The following TAMM41 variants were observed in gnomAD, a reference collection of about 807,000 sequenced individuals.
The protein encoded by TAMM41 is phosphatidate cytidylyltransferase, mitochondrial.
TAMM41 carries 36 observed loss-of-function variants against 44.1 expected under a neutral mutation model. That is an observed-to-expected ratio of 0.82 (90% confidence interval 0.63 to 1.08). The LOEUF (loss-of-function observed/expected upper bound fraction) is 1.08. Among genes scored for constraint, TAMM41 ranks in the 50% least tolerant of loss-of-function variants. The pLI is 0.00. For missense variants in TAMM41, 417 were observed against 404.3 expected, an observed-to-expected ratio of 1.03 and a Z score of -0.27; for synonymous variants, 164 against 153.1, an observed-to-expected ratio of 1.07 and a Z score of -0.53.
chr3:11,732,999 TGTTTG>T, the TAMM41 span, among the ~76,000 whole-genome samples: 448 of 106,648 alleles, frequency 4.2e-3, 10 homozygotes, highest in South Asian at 0.02. Context: ...GTTTTTTTTT[TGTTTG>T]TTTGTTTGTT....
chr3:11,757,941 A>C, the TAMM41 span, among the ~76,000 whole-genome samples: 1 of 152,190 alleles, frequency 6.6e-6, no homozygotes, highest in African/African-American at 2.4e-5. Context: ...GGGACACTGA[A>C]GAAACCAAGT....
At chr3:11,761,065 G>A in the TAMM41 span, among the ~76,000 whole-genome samples, 2 of 151,808 alleles carry the variant, frequency 1.3e-5, no homozygotes, top group Admixed American at 1.3e-4. Context: ...CTACTCAGGA[G>A]GCTGAGGCAG....
At chr3:11,764,809 A>G in the TAMM41 span, among the ~76,000 whole-genome samples, 1 of 151,958 alleles carries the variant, frequency 6.6e-6, no homozygotes, top group East Asian at 1.9e-4. Flanking sequence ...CTCTTTTTCA[A>G]TAAAGACAGC....
At chr3:11,788,320 G>C (rs1276065087), downstream of TAMM41, among the ~76,000 whole-genome samples, 1 of 152,190 alleles carries the variant, frequency 6.6e-6, no homozygotes, top group Non-Finnish European at 1.5e-5. Context: ...AAGCAGTGGA[G>C]AATCCATTTT....
At chr3:11,762,862 C>G in the TAMM41 span, among the ~76,000 whole-genome samples, 3 of 152,284 alleles carry the variant, frequency 2.0e-5, no homozygotes, top group African/African-American at 7.2e-5. Context: ...GAGTTTGAGA[C>G]CAGCCTGGCC....
chr3:11,807,957 C>CTGT (rs2077969405), intron 6 of TAMM41, 62 bp from the exon 7 acceptor site: 1 of 1,465,866 alleles, frequency 6.8e-7, no homozygotes, highest in East Asian at 2.5e-5. Flanking sequence ...GTCATCTTAA[C>CTGT]AGTTTTAAAA....
chr3:11,762,767 A>C, the TAMM41 span, among the ~76,000 whole-genome samples: 1 of 152,196 alleles, frequency 6.6e-6, no homozygotes, highest in African/African-American at 2.4e-5. Context: ...CTTTTAAGAA[A>C]TTGATTGTGA....
At chr3:11,748,210 C>T in the TAMM41 span, among the ~76,000 whole-genome samples, 2 of 151,560 alleles carry the variant, frequency 1.3e-5, no homozygotes, top group African/African-American at 4.8e-5. Context: ...ACGAGTATCT[C>T]CCTCTTCAGC....
intron 4 of TAMM41, among the ~76,000 whole-genome samples, chr3:11,819,058 A>G (rs1342257381): frequency 6.6e-6 from 1 of 152,144 alleles, no homozygotes; most frequent in Admixed American, 6.6e-5. Context: ...GAAGGGAAAG[A>G]GAGTTAGATA....
chr3:11,786,161 C>G (rs1344084889), downstream of TAMM41, among the ~76,000 whole-genome samples: 2 of 152,008 alleles, frequency 1.3e-5, no homozygotes, highest in East Asian at 3.9e-4. Flanking sequence ...TGATGTGCAG[C>G]TTCTCTGCAC....
At chr3:11,832,998 C>A in intron 3 of TAMM41, 1 of 1,047,780 alleles carries the variant, frequency 9.5e-7, no homozygotes, top group Non-Finnish European at 1.2e-6. Context: ...TAAAAGCATC[C>A]TTACTCAAAG....
At chr3:11,776,190 T>C in the TAMM41 span, among the ~76,000 whole-genome samples, 1 of 142,482 alleles carries the variant, frequency 7.0e-6, no homozygotes, top group Admixed American at 6.9e-5. Context: ...ATTTTTTGTA[T>C]TTTTTTTTTA....
At chr3:11,799,586 G>A (rs1172552125) in intron 7 of TAMM41, among the ~76,000 whole-genome samples, 1 of 152,174 alleles carries the variant, frequency 6.6e-6, no homozygotes, top group Non-Finnish European at 1.5e-5. Flanking sequence ...TGTCACTCTG[G>A]ACTTCCACAA....
the TAMM41 span, among the ~76,000 whole-genome samples, chr3:11,761,734 G>T: frequency 6.6e-6 from 1 of 151,856 alleles, no homozygotes; most frequent in Non-Finnish European, 1.5e-5. Flanking sequence ...ATCACCCGAG[G>T]TCAGGAGTTC....
chr3:11,758,717 A>G, the TAMM41 span, among the ~76,000 whole-genome samples: 1 of 151,742 alleles, frequency 6.6e-6, no homozygotes, highest in Non-Finnish European at 1.5e-5. Flanking sequence ...TGTGTTGCCC[A>G]GGCTAGAGTG....
downstream of TAMM41, among the ~76,000 whole-genome samples, chr3:11,786,118 G>C (rs183628737): frequency 1.9e-3 from 285 of 152,164 alleles, 1 homozygote; most frequent in African/African-American, 6.7e-3. Context: ...GTGTGGGCTT[G>C]TAGGTTCCAA....
At chr3:11,758,241 G>T in the TAMM41 span, among the ~76,000 whole-genome samples, 3 of 152,236 alleles carry the variant, frequency 2.0e-5, no homozygotes, top group Admixed American at 2.0e-4. Context: ...GGAGGCCGAA[G>T]TGAGCTGTTA....
chr3:11,738,581 G>C, the TAMM41 span, among the ~76,000 whole-genome samples: 1 of 152,108 alleles, frequency 6.6e-6, no homozygotes, highest in East Asian at 1.9e-4. Flanking sequence ...CGACCTTTTA[G>C]GGCTGTGCTC....
In TAMM41 at chr3:11,844,078, T is replaced by A; in HGVS notation, c.269A>T (p.Asn90Ile). 6.2e-7 allele frequency: 1 copy of A among 1,614,184 alleles called. No homozygotes were observed. The highest frequency in any genetic ancestry group is 8.5e-7 in the Non-Finnish European group (1 of 1,180,034). Residue 90 changes from asparagine (N) to isoleucine (I), a missense_variant, in exon 2 of 8, where the codon AAC becomes ATC. Coordinates refer to ENST00000455809, the MANE Select transcript of TAMM41 (RefSeq NM_001284401.2). ...ATTGTAGTAAACTCCAGCGCCATAGTTATTCTGGATGGACGTGATAATCTT... is the reference window on the plus strand; with the variant it reads ...ATTGTAGTAAACTCCAGCGCCATAGATATTCTGGATGGACGTGATAATCTT... ...GPKIITSIQN[N>I]YGAGVYYNSL...
Sources: allele counts gnomAD v4.1 joint callset (sites outside exome capture counted in the v4.1 genomes callset), GRCh38; gene constraint gnomAD v4.1.1; transcripts MANE v1.5; gene names NCBI Gene and HGNC (gene_info 2026-07-23, HGNC 2026-07-21).